Variants in SNX8 observed in about 807,000 individuals in gnomAD.
The protein encoded by SNX8 is sorting nexin 8, also known as sorting nexin-8.
Under a neutral mutation model 51.6 loss-of-function variants are expected in SNX8, and 25 were observed. That is an observed-to-expected ratio of 0.48 (90% CI 0.35 to 0.68). The LOEUF is 0.68. SNX8 is among the 30% of genes least tolerant of loss of function. SNX8 has a pLI of 0.00. For synonymous variants in SNX8, 324 were observed against 277.0 expected (o/e 1.17, Z -1.68); for missense variants, 695 against 624.0 (o/e 1.11, Z -1.21).
At chr7:2,296,790 C>T (rs898400659) in intron 1 of SNX8, among the ~76,000 whole-genome samples, 1 of 151,706 alleles carries the variant, frequency 6.6e-6, no homozygotes, top group African/African-American at 2.4e-5. Context: ...ATTAGCCAGG[C>T]ATGGTGGCGG....
At chr7:2,347,477 T>G (rs1175723031) in intron 1 of SNX8, among the ~76,000 whole-genome samples, 1 of 67,846 alleles carries the variant, frequency 1.5e-5, no homozygotes, top group African/African-American at 6.1e-5. Context: ...CAAGATGCTG[T>G]CTCAAAAAAA....
intron 1 of SNX8, among the ~76,000 whole-genome samples, chr7:2,325,883 T>A (rs891650638): frequency 2.0e-4 from 31 of 152,118 alleles, no homozygotes; most frequent in Non-Finnish European, 8.8e-5. Context: ...GTAACAGGAA[T>A]GTGTTCTTGG....
chr7:2,337,559 C>G (rs1057334259), intron 1 of SNX8, among the ~76,000 whole-genome samples: 2 of 152,002 alleles, frequency 1.3e-5, no homozygotes, highest in Non-Finnish European at 2.9e-5. Flanking sequence ...GTAAAATAAT[C>G]CATAATAAAA....
At chr7:2,314,303 G>A (rs1043640523) in intron 1 of SNX8, 25 bp downstream of exon 1, 56 of 1,219,850 alleles carry the variant, frequency 4.6e-5, no homozygotes, top group Non-Finnish European at 5.2e-5. Context: ...GGGCAGGTGG[G>A]GGCTACCGCC....
At chr7:2,342,666 A>C (rs1778954428) in intron 1 of SNX8, among the ~76,000 whole-genome samples, 2 of 151,940 alleles carry the variant, frequency 1.3e-5, no homozygotes, top group Admixed American at 6.6e-5. Context: ...AAAAAAAAAA[A>C]AAGGATAGAA....
intron 1 of SNX8, among the ~76,000 whole-genome samples, chr7:2,333,486 C>T (rs902217313): frequency 2.0e-5 from 3 of 152,080 alleles, no homozygotes; most frequent in Admixed American, 6.6e-5. Context: ...TGCTTGAGCC[C>T]AGCAGTTCAA....
intron 1 of SNX8, among the ~76,000 whole-genome samples, chr7:2,332,878 GAAAGAAAGAAAGA>G (rs537140866): frequency 5.8e-4 from 88 of 150,506 alleles, no homozygotes; most frequent in African/African-American, 2.1e-3. Context: ...GAAAGAAAGA[GAAAGAAAGAAAGA>G]AAAGAAAGAA....
chr7:2,330,682 T>C (rs1778713959), intron 1 of SNX8, among the ~76,000 whole-genome samples: 1 of 151,956 alleles, frequency 6.6e-6, no homozygotes, highest in Non-Finnish European at 1.5e-5. Flanking sequence ...CAGAGCTGAG[T>C]GGAGGACACC....
At chr7:2,306,682 A>G (rs1186897226) in intron 1 of SNX8, among the ~76,000 whole-genome samples, 1 of 152,222 alleles carries the variant, frequency 6.6e-6, no homozygotes. Flanking sequence ...ATGCACAGGA[A>G]AAAAGGAAAT....
chr7:2,327,901 C>T (rs1213006854), intron 1 of SNX8, among the ~76,000 whole-genome samples: 1 of 151,828 alleles, frequency 6.6e-6, no homozygotes, highest in Non-Finnish European at 1.5e-5. Context: ...CCCCATTTGT[C>T]ACCCAGGCTG....
intron 1 of SNX8, among the ~76,000 whole-genome samples, chr7:2,295,926 T>C (rs891488864): frequency 6.8e-4 from 103 of 152,334 alleles, no homozygotes; most frequent in African/African-American, 2.4e-3. Flanking sequence ...GTTCCTATTC[T>C]GTTCCATGGG....
intron 1 of SNX8, among the ~76,000 whole-genome samples, chr7:2,327,414 ATTT>A (rs1321848573): frequency 2.6e-5 from 2 of 77,102 alleles, no homozygotes; most frequent in Non-Finnish European, 5.7e-5. Context: ...TAATTTTTTT[ATTT>A]TTTTTTTGGA....
chr7:2,281,172 C>T (rs982985366), intron 1 of SNX8, among the ~76,000 whole-genome samples: 29 of 152,190 alleles, frequency 1.9e-4, no homozygotes, highest in Non-Finnish European at 8.8e-5. Context: ...CACCTACAAT[C>T]CCAGCACTTT....
At chr7:2,302,430 G>A (rs1584720747) in intron 1 of SNX8, among the ~76,000 whole-genome samples, 1 of 152,252 alleles carries the variant, frequency 6.6e-6, no homozygotes, top group African/African-American at 2.4e-5. Context: ...CTGGAGTGCA[G>A]TGGTGTGATC....
At chr7:2,267,645 G>A (rs1403003333) in intron 5 of SNX8, among the ~76,000 whole-genome samples, 1 of 148,958 alleles carries the variant, frequency 6.7e-6, no homozygotes, top group Non-Finnish European at 1.5e-5. Context: ...GTGCAGTGAC[G>A]TGATCTCGGC....
chr7:2,329,718 T>C (rs567293738), intron 1 of SNX8, among the ~76,000 whole-genome samples: 1 of 152,212 alleles, frequency 6.6e-6, no homozygotes, highest in South Asian at 2.1e-4. Flanking sequence ...AGCTTCTGGA[T>C]GCACAACAGA....
At chr7:2,294,036 G>A (rs1437005763) in intron 1 of SNX8, among the ~76,000 whole-genome samples, 5 of 151,430 alleles carry the variant, frequency 3.3e-5, no homozygotes. Context: ...GGCCGAGGTG[G>A]GTGGATCACG....
intron 3 of SNX8, among the ~76,000 whole-genome samples, chr7:2,273,518 G>A (rs556692724): frequency 7.9e-5 from 12 of 151,046 alleles, no homozygotes; most frequent in South Asian, 2.1e-4. Context: ...CCCGGCAGGC[G>A]GAGCTTGCAG....
rs948720763 is a variant in SNX8, at chr7:2,264,576, C to T, written c.622-118G>A. Reference sequence around the variant, plus strand: ...GAGACACAGCAGGTCCATGAGCCACCCCGGGAGCCCCACTCCTCCAGGCCT... The same window carrying T: ...GAGACACAGCAGGTCCATGAGCCACTCCGGGAGCCCCACTCCTCCAGGCCT... On this transcript the variant is annotated intron_variant, in intron 5 of 10. Transcript: ENST00000222990. 8.0e-6 allele frequency: 7 copies of T among 876,348 alleles called. No individual in the cohort carries two copies. In the East Asian group the frequency reaches 1.3e-4, roughly 17 times the overall value. 54.3% of individuals were successfully genotyped at this position (876,348 alleles called of 1,614,324 possible). A position where few individuals can be genotyped will look rare whatever the true frequency, so the allele number is the denominator to read the frequency against.
Sources: allele counts gnomAD v4.1 joint callset (sites outside exome capture counted in the v4.1 genomes callset), GRCh38; gene constraint gnomAD v4.1.1; transcripts MANE v1.5; gene names NCBI Gene and HGNC (gene_info 2026-07-23, HGNC 2026-07-21).